The following PISD variants were observed in gnomAD, a reference collection of about 807,000 sequenced individuals.
PISD encodes phosphatidylserine decarboxylase proenzyme, mitochondrial.
A neutral mutation model predicts 43.5 loss-of-function variants in PISD; 31 were observed. The observed-to-expected ratio is 0.71, with a 90% CI of 0.54 to 0.96. The LOEUF (loss-of-function observed/expected upper bound fraction) is 0.96, where lower values mean the gene tolerates loss of function less well. PISD is among the 40% of genes least tolerant of loss of function. PISD has a pLI of 0.00. For missense variants in PISD, 523 were observed against 548.4 expected (o/e 0.95, Z 0.46); for synonymous variants, 259 against 228.7 (o/e 1.13, Z -1.20).
intron 3 of PISD, among the ~76,000 whole-genome samples, chr22:31,627,207 T>A (rs999691568): frequency 6.6e-6 from 1 of 152,144 alleles, no homozygotes; most frequent in African/African-American, 2.4e-5. Context: ...CTGGGGCTGG[T>A]CCAGGCCCCT....
chr22:31,645,333 A>G (rs1426477614), intron 3 of PISD, among the ~76,000 whole-genome samples: 2 of 150,518 alleles, frequency 1.3e-5, no homozygotes, highest in Non-Finnish European at 3.0e-5. Context: ...TGAGCCTAGG[A>G]GGTCAGGGAT....
intron 3 of PISD, among the ~76,000 whole-genome samples, chr22:31,624,888 C>T (rs1273391864): frequency 2.0e-5 from 3 of 152,156 alleles, no homozygotes; most frequent in East Asian, 1.9e-4. Context: ...CGGGCCTTTC[C>T]ACCACAACCC....
intron 3 of PISD, among the ~76,000 whole-genome samples, chr22:31,636,511 C>T (rs1017861318): frequency 5.3e-5 from 8 of 151,704 alleles, no homozygotes; most frequent in Admixed American, 2.0e-4. Flanking sequence ...TACAGGCACC[C>T]GCCACCACGC....
chr22:31,638,567 C>A, intron 3 of PISD: 1 of 985,346 alleles, frequency 1.0e-6, no homozygotes, highest in Non-Finnish European at 1.2e-6. Context: ...GTAAGGACAC[C>A]CGCAGGCCAC....
intron 3 of PISD, among the ~76,000 whole-genome samples, chr22:31,643,102 CAA>C (rs79749046): frequency 5.8e-4 from 35 of 60,522 alleles, no homozygotes; most frequent in Non-Finnish European, 6.0e-4. Flanking sequence ...AATGCCATCT[CAA>C]AAAAAAAAAA....
chr22:31,636,542 G>GC (rs1556419188), intron 3 of PISD, among the ~76,000 whole-genome samples: 1 of 125,106 alleles, frequency 8.0e-6, no homozygotes, highest in African/African-American at 3.1e-5. Flanking sequence ...TCTGGGTTTT[G>GC]TTTTTTTTTG....
chr22:31,651,515 G>A (rs973969026), intron 1 of PISD, among the ~76,000 whole-genome samples: 2 of 152,018 alleles, frequency 1.3e-5, no homozygotes, highest in Non-Finnish European at 2.9e-5. Context: ...TTGGGAGGCC[G>A]AGGCGGGCAG....
chr22:31,620,322 C>T (rs1022121845), intron 7 of PISD, among the ~76,000 whole-genome samples: 8 of 152,206 alleles, frequency 5.3e-5, no homozygotes, highest in African/African-American at 1.9e-4. Context: ...AGGTTAATTC[C>T]CTCCATCTCT....
intron 3 of PISD, among the ~76,000 whole-genome samples, chr22:31,637,167 ATATATATATATATATATATATATAT>A (rs2073520332): frequency 5.2e-5 from 1 of 19,224 alleles, no homozygotes; most frequent in Non-Finnish European, 8.4e-5. Context: ...AAAAAAAAAT[ATATATATATATATATATATATATAT>A]ATATATATAT....
At chr22:31,622,401 C>A (rs1408244162) in intron 3 of PISD, among the ~76,000 whole-genome samples, 2 of 152,226 alleles carry the variant, frequency 1.3e-5, no homozygotes, top group Non-Finnish European at 1.5e-5. Context: ...GGAGGATACC[C>A]TGAGCACCAA....
chr22:31,621,305 T>C (rs963218237), intron 5 of PISD, 29 bp downstream of exon 5: 9 of 1,612,992 alleles, frequency 5.6e-6, no homozygotes, highest in Admixed American at 1.7e-5. Context: ...GCAGCAGGGC[T>C]GCCTAGCCCC....
Position 31,630,649 on chromosome 22 carries a change from G to T in PISD, c.322-8764C>A, listed in dbSNP as rs1230043323. The T allele has an allele frequency of 1.2e-6, 1 of 862,662 alleles. No individual in the cohort carries two copies. The highest frequency in any genetic ancestry group is 1.4e-6 in the Non-Finnish European group (1 of 717,780). The allele number at this position is 862,662 out of a possible 1,614,324, so 53.4% of individuals were successfully genotyped here. A position where few individuals can be genotyped will look rare whatever the true frequency, so the allele number is the denominator to read the frequency against. On this transcript the variant is annotated intron_variant, in intron 3 of 7. Transcript: ENST00000439502. The surrounding 1 kb of genome is among the most constrained non-coding windows in gnomAD (Gnocchi z 4.4). ...CCGCGGGGCTCCTCAGGCCGGGGCC[G>T]CGTCGTCACAGCTGGGAGAGCCCAC...
chr22:31,623,830 C>A lies in PISD; in HGVS notation c.322-1945G>T, dbSNP rs770179649. 9 of 1,613,440 alleles carry A rather than the reference C, an allele frequency of 5.6e-6. 1 individual carries two copies. In the Admixed American group the frequency reaches 1.5e-4, roughly 27 times the overall value. ...AGCTGCCCCAGCCTCCGCCTCAGGGCCAGCTGGGGGAAGTGCAACCTGCAG... is the reference window on the plus strand; with the variant it reads ...AGCTGCCCCAGCCTCCGCCTCAGGGACAGCTGGGGGAAGTGCAACCTGCAG... On this transcript the variant is annotated intron_variant, in intron 3 of 7. Coordinates refer to ENST00000439502, the MANE Select transcript of PISD (RefSeq NM_001326411.2).
chr22:31,639,890 C>T (rs1361491053), intron 3 of PISD, among the ~76,000 whole-genome samples: 1 of 152,140 alleles, frequency 6.6e-6, no homozygotes, highest in African/African-American at 2.4e-5. Flanking sequence ...AGGCCAAGAA[C>T]CAAGAATGTT....
chr22:31,654,052 C>T (rs2074103369), intron 1 of PISD, among the ~76,000 whole-genome samples: 1 of 152,210 alleles, frequency 6.6e-6, no homozygotes, highest in African/African-American at 2.4e-5. Context: ...ACTGTTACCA[C>T]TTCCTCACCT....
chr22:31,622,545 C>T (rs969555260), intron 3 of PISD, among the ~76,000 whole-genome samples: 30 of 152,232 alleles, frequency 2.0e-4, no homozygotes, highest in African/African-American at 7.2e-4. Flanking sequence ...AAGCCCAGCC[C>T]TGCTGAGCCC....
chr22:31,628,076 T>C (rs1032678844), intron 3 of PISD: 23 of 985,300 alleles, frequency 2.3e-5, no homozygotes, highest in Non-Finnish European at 2.7e-5. Context: ...TTCTGCCTCT[T>C]CTAAAACAAG....
intron 7 of PISD, 69 bp downstream of exon 7, chr22:31,620,484 C>T (rs766105150): frequency 2.7e-5 from 41 of 1,508,406 alleles, no homozygotes; most frequent in Non-Finnish European, 3.6e-5. Flanking sequence ...ATCCGCCGCA[C>T]AGCAGACAAG....
chr22:31,628,770 C>T (rs1032170472), intron 3 of PISD: 2 of 952,254 alleles, frequency 2.1e-6, no homozygotes, highest in African/African-American at 3.5e-5. Context: ...ACAGCTGCAA[C>T]CATGGCCCAG....
Sources: gnomAD v4.1 joint callset for allele counts (sites outside exome capture counted in the v4.1 genomes callset) on GRCh38, gnomAD v4.1.1 for gene constraint, Gnocchi (gnomAD v3.1) non-coding constraint, MANE v1.5 for transcripts, NCBI Gene and HGNC (gene_info 2026-07-23, HGNC 2026-07-21) for gene names.